Variants in XKR4 observed in about 807,000 individuals in gnomAD.
XKR4 encodes the protein XK-related protein 4.
XKR4 carries 12 observed loss-of-function variants against 53.9 expected under a neutral mutation model. That is an observed-to-expected ratio of 0.22 (90% CI 0.14 to 0.36). XKR4 has a LOEUF of 0.36. XKR4 is among the 10% of genes least tolerant of loss of function. XKR4 has a pLI of 1.00. For synonymous variants in XKR4, 354 were observed against 362.4 expected (o/e 0.98, Z 0.26); for missense variants, 799 against 859.5 (o/e 0.93, Z 0.88).
chr8:55,360,010 G>C (rs766854268), intron 2 of XKR4, among the ~76,000 whole-genome samples: 43 of 152,290 alleles, frequency 2.8e-4, no homozygotes, highest in Middle Eastern at 3.4e-3. Context: ...GGCAAGCCTT[G>C]CTGTCAAGTT....
intron 1 of XKR4, among the ~76,000 whole-genome samples, chr8:55,179,349 C>T (rs1817278022): frequency 6.6e-6 from 1 of 152,126 alleles, no homozygotes; most frequent in Admixed American, 6.5e-5. Flanking sequence ...TATGCCAGTG[C>T]CGACATGCAA....
chr8:55,499,003 A>G (rs944849531), intron 2 of XKR4, among the ~76,000 whole-genome samples: 1 of 152,248 alleles, frequency 6.6e-6, no homozygotes, highest in Non-Finnish European at 1.5e-5. Flanking sequence ...CAAGGCCGTA[A>G]ATAAAGCCAA....
chr8:55,165,619 C>T (rs973109574), intron 1 of XKR4, among the ~76,000 whole-genome samples: 1 of 151,826 alleles, frequency 6.6e-6, no homozygotes, highest in Non-Finnish European at 1.5e-5. Flanking sequence ...AAATCTTCAT[C>T]TCTTCATCTG....
intron 2 of XKR4, among the ~76,000 whole-genome samples, chr8:55,445,097 G>A (rs537493599): frequency 3.3e-5 from 5 of 151,998 alleles, no homozygotes; most frequent in Non-Finnish European, 7.4e-5. Context: ...TCCCTCTGTC[G>A]CCCAGGCTGG....
intron 2 of XKR4, among the ~76,000 whole-genome samples, chr8:55,379,766 T>C (rs2658891): frequency 0.68 from 103,564 of 152,150 alleles, 36,277 homozygotes; most frequent in African/African-American, 0.85. Context: ...ACCCGGAGCA[T>C]AGGGTTCCAG....
rs139353489 is a variant in XKR4 at position 55,200,268 on chromosome 8, A to G, written c.806+96974A>G. On this transcript the variant is annotated intron_variant, in intron 1 of 2. Transcript: ENST00000327381. ...TTTTTAGTAGAGACGGGGTTTCACC[A>G]TGTTGGCCAGGCTGTCCTTGAACTC... Among the ~76,000 whole-genome samples the G allele has an allele frequency of 9.8e-3, 1,495 of 152,170 alleles. 25 individuals are homozygous for G. The highest frequency in any genetic ancestry group is 0.034 in the African/African-American group (1,405 of 41,492).
chr8:55,262,904 G>A lies in XKR4; in HGVS notation c.807-94774G>A, dbSNP rs190837184. Among the ~76,000 whole-genome samples, 188 of 152,250 alleles carry A rather than the reference G, an allele frequency of 1.2e-3. 1 individual carries two copies. The highest frequency in any genetic ancestry group is 3.9e-3 in the South Asian group (19 of 4,814). ...AGGATTGTGGATCACTGTGGTCCAC[G>A]GGGCAAGAGCATAATGTGGTGAAAT... On this transcript the variant is annotated intron_variant, in intron 1 of 2. Transcript: ENST00000327381.
chr8:55,137,115 G>A (rs568189245), intron 1 of XKR4, among the ~76,000 whole-genome samples: 1 of 152,238 alleles, frequency 6.6e-6, no homozygotes, highest in South Asian at 2.1e-4. Flanking sequence ...TTTATGTCTA[G>A]TAATCTCCTA....
chr8:55,170,657 A>G (rs903655054), intron 1 of XKR4, among the ~76,000 whole-genome samples: 2 of 152,168 alleles, frequency 1.3e-5, no homozygotes, highest in African/African-American at 4.8e-5. Flanking sequence ...TATGCATGAG[A>G]CATATGTATT....
intron 1 of XKR4, among the ~76,000 whole-genome samples, chr8:55,238,903 A>G (rs1818170740): frequency 6.6e-6 from 1 of 152,230 alleles, no homozygotes; most frequent in Non-Finnish European, 1.5e-5. Flanking sequence ...TAGGTAGTAA[A>G]TAAGTAAATG....
intron 2 of XKR4, among the ~76,000 whole-genome samples, chr8:55,401,671 G>A (rs1804603486): frequency 6.6e-6 from 1 of 152,220 alleles, no homozygotes; most frequent in Admixed American, 6.5e-5. Context: ...ATTCAAGCCT[G>A]GGTCCATCTG....
intron 1 of XKR4, among the ~76,000 whole-genome samples, chr8:55,328,622 C>T (rs1001220453): frequency 2.0e-5 from 3 of 152,188 alleles, no homozygotes; most frequent in Non-Finnish European, 2.9e-5. Flanking sequence ...GATGGGTTCA[C>T]ATTGCACAGA....
chr8:55,275,327 A>T (rs1818749009), intron 1 of XKR4, among the ~76,000 whole-genome samples: 1 of 152,224 alleles, frequency 6.6e-6, no homozygotes, highest in African/African-American at 2.4e-5. Context: ...AGTAATAGAT[A>T]TAAGGAATAA....
intron 1 of XKR4, among the ~76,000 whole-genome samples, chr8:55,278,059 G>T (rs762912133): frequency 6.6e-6 from 1 of 152,144 alleles, no homozygotes; most frequent in African/African-American, 2.4e-5. Context: ...ATCCAGTCAG[G>T]TGCAATGGCT....
At chr8:55,222,462 C>T (rs1200425651) in intron 1 of XKR4, among the ~76,000 whole-genome samples, 1 of 152,218 alleles carries the variant, frequency 6.6e-6, no homozygotes, top group African/African-American at 2.4e-5. Context: ...CATGACATGC[C>T]ACAGTCTCCT....
chr8:55,513,977 C>T (rs543289573), intron 2 of XKR4, among the ~76,000 whole-genome samples: 1 of 152,310 alleles, frequency 6.6e-6, no homozygotes, highest in African/African-American at 2.4e-5. Flanking sequence ...ATTTTTTCAT[C>T]TGTTTAGGTA....
At chr8:55,287,360 TTAAATC>T (rs1420698588) in intron 1 of XKR4, among the ~76,000 whole-genome samples, 1 of 152,192 alleles carries the variant, frequency 6.6e-6, no homozygotes, top group Non-Finnish European at 1.5e-5. Flanking sequence ...GAAAATCAAT[TTAAATC>T]TAAGCACATT....
chr8:55,288,812 A>G (rs1439534025), intron 1 of XKR4, among the ~76,000 whole-genome samples: 1 of 152,190 alleles, frequency 6.6e-6, no homozygotes, highest in Non-Finnish European at 1.5e-5. Context: ...TGATAGCCAC[A>G]CTCAATTCCC....
intron 1 of XKR4, among the ~76,000 whole-genome samples, chr8:55,271,590 G>T (rs1177413504): frequency 1.3e-5 from 2 of 152,244 alleles, no homozygotes; most frequent in African/African-American, 4.8e-5. Flanking sequence ...CAGGCAGAGG[G>T]CTGGAAAGCT....
Sources: gnomAD v4.1 joint callset for allele counts (sites outside exome capture counted in the v4.1 genomes callset) on GRCh38, gnomAD v4.1.1 for gene constraint, MANE v1.5 for transcripts, NCBI Gene and HGNC (gene_info 2026-07-23, HGNC 2026-07-21) for gene names.